DISC1: variants seen among roughly 807,000 people sequenced by gnomAD.
The protein encoded by DISC1 is DISC1 scaffold protein, also known as disrupted in schizophrenia 1 protein.
In DISC1, 57 loss-of-function variants were observed where a neutral mutation model predicts 84.5. The observed-to-expected ratio is 0.67, with a 90% confidence interval of 0.55 to 0.84. The LOEUF (loss-of-function observed/expected upper bound fraction) is 0.84. Among genes scored for constraint, DISC1 ranks in the 40% least tolerant of loss-of-function variants. The probability of loss-of-function intolerance (pLI) is 0.00; values close to 1 mark genes in which losing one functional copy is unlikely to be tolerated. For missense variants in DISC1, 1,000 were observed against 1,057.8 expected, an observed-to-expected ratio of 0.95 and a Z score of 0.76; for synonymous variants, 411 against 415.2, an observed-to-expected ratio of 0.99 and a Z score of 0.12.
At chr1:231,932,755 G>T (rs2090743766) in intron 9 of DISC1, among the ~76,000 whole-genome samples, 1 of 152,170 alleles carries the variant, frequency 6.6e-6, no homozygotes, top group African/African-American at 2.4e-5. Flanking sequence ...CTCAGTGGGT[G>T]ACTGAGGCTG....
At position 231,694,536 on chromosome 1, in the gene DISC1, C is replaced by T. The variant is rs1434545188; in HGVS notation, c.778C>T (p.Arg260Ter). 5.0e-6 allele frequency: 8 copies of T among 1,614,232 alleles called. No individual in the cohort carries two copies. Among genetic ancestry groups the T allele is most frequent in the East Asian group, 2.2e-5 (1 of 44,888 alleles). Residue 260 changes from arginine (R) to a stop codon, truncating the protein, a stop_gained, in exon 2 of 13, where the codon CGA becomes TGA. Coordinates refer to ENST00000439617, the MANE Select transcript of DISC1 (RefSeq NM_018662.3). LOFTEE classifies it high-confidence loss of function. ...ASLDGPHEDP[R>*]CLSRPFSLLA... ...CTTGGACGGGCCTCACGAGGACCCG[C>T]GATGTCTCTCTCGGCCCTTCAGTCT... is the stretch of plus-strand genomic sequence containing the variant.
Position 231,826,747 on chromosome 1 carries a change from T to C in DISC1, c.1981+8230T>C, listed in dbSNP as rs1376151129. Among the ~76,000 whole-genome samples, 1 of 152,236 alleles carries C rather than the reference T, an allele frequency of 6.6e-6. No individual in the cohort carries two copies. The highest frequency in any genetic ancestry group is 6.5e-5 in the Admixed American group (1 of 15,290). On this transcript the variant is annotated intron_variant, in intron 9 of 12. Transcript: ENST00000439617. This position sits in a 1 kb window ranked among gnomAD's most constrained non-coding sequence, Gnocchi z 4.2. ...TATATTTTCAAATAACTGTTGCTAG[T>C]TCTGCTTCCTGTTCTAAAATGCTGA...
chr1:232,030,006 A>G (rs557430508), intron 12 of DISC1, among the ~76,000 whole-genome samples: 10 of 152,348 alleles, frequency 6.6e-5, no homozygotes, highest in South Asian at 6.2e-4. Context: ...ACCAAATTAC[A>G]TGTAGCATGA....
intron 9 of DISC1, among the ~76,000 whole-genome samples, chr1:231,927,463 T>C (rs1182177165): frequency 6.6e-5 from 10 of 152,218 alleles, no homozygotes; most frequent in Non-Finnish European, 2.9e-5. Context: ...CTTGGTAATG[T>C]GTACAATGCT....
At chr1:231,753,805 T>A (rs2074862680) in intron 4 of DISC1, among the ~76,000 whole-genome samples, 2 of 152,228 alleles carry the variant, frequency 1.3e-5, no homozygotes, top group Admixed American at 1.3e-4. Context: ...AATAGGTTGT[T>A]AGAAGCAGCC....
At chr1:231,807,887 T>C (rs1330168889) in intron 8 of DISC1, among the ~76,000 whole-genome samples, 1 of 152,214 alleles carries the variant, frequency 6.6e-6, no homozygotes, top group African/African-American at 2.4e-5. Flanking sequence ...AAAAGAGAAT[T>C]ATATCCAGGG....
chr1:231,659,095 GA>G (rs1264705798), intron 1 of DISC1, among the ~76,000 whole-genome samples: 2 of 152,048 alleles, frequency 1.3e-5, no homozygotes, highest in Admixed American at 1.3e-4. Flanking sequence ...ATTCAGCTGT[GA>G]ATCTGTCTGT....
At chr1:231,645,833 G>A (rs796951927) in intron 1 of DISC1, among the ~76,000 whole-genome samples, 34 of 151,736 alleles carry the variant, frequency 2.2e-4, no homozygotes, top group African/African-American at 7.7e-4. Context: ...CCTTGCAAAG[G>A]ACATGAACTC....
At chr1:231,974,112 A>G (rs1182956358) in intron 10 of DISC1, among the ~76,000 whole-genome samples, 1 of 152,138 alleles carries the variant, frequency 6.6e-6, no homozygotes, top group East Asian at 1.9e-4. Context: ...AACAGGGTCA[A>G]GTGAGTCAAA....
chr1:231,779,899 C>T (rs938181627), intron 6 of DISC1, among the ~76,000 whole-genome samples: 31 of 152,128 alleles, frequency 2.0e-4, no homozygotes, highest in Admixed American at 3.3e-4. Flanking sequence ...TTACCTGTCC[C>T]TCCCTTAAAG....
intron 9 of DISC1, among the ~76,000 whole-genome samples, chr1:231,899,824 T>G (rs1028525385): frequency 1.3e-5 from 2 of 152,324 alleles, no homozygotes; most frequent in Non-Finnish European, 2.9e-5. Flanking sequence ...CAAATAGTTT[T>G]GTCCACAGTG....
chr1:231,649,910 G>A (rs2060473737), intron 1 of DISC1, among the ~76,000 whole-genome samples: 1 of 151,962 alleles, frequency 6.6e-6, no homozygotes, highest in South Asian at 2.1e-4. Flanking sequence ...CTTTCCATTT[G>A]CTTGGTAGAT....
intron 6 of DISC1, among the ~76,000 whole-genome samples, chr1:231,782,798 C>T (rs926787187): frequency 4.6e-5 from 7 of 151,806 alleles, no homozygotes; most frequent in Non-Finnish European, 7.4e-5. Context: ...AAAAATTAGC[C>T]GGCTGTGGTG....
At chr1:231,919,301 A>G (rs202149611) in intron 9 of DISC1, among the ~76,000 whole-genome samples, 35 of 152,204 alleles carry the variant, frequency 2.3e-4, no homozygotes, top group Non-Finnish European at 5.0e-4. Context: ...CATTAATGAA[A>G]CACCATTCAT....
intron 6 of DISC1, among the ~76,000 whole-genome samples, chr1:231,787,284 C>T (rs2077954331): frequency 6.6e-6 from 1 of 152,148 alleles, no homozygotes; most frequent in Non-Finnish European, 1.5e-5. Flanking sequence ...TTATTTCTTA[C>T]ACTTCTGGAG....
At chr1:231,907,120 T>TCCCTCCC (rs1571965919) in intron 9 of DISC1, among the ~76,000 whole-genome samples, 1 of 32,652 alleles carries the variant, frequency 3.1e-5, no homozygotes, top group African/African-American at 1.1e-4. Context: ...CCTTCCTTCC[T>TCCCTCCC]TCCTTCCTTC....
At chr1:231,887,070 C>T (rs1454575085) in intron 9 of DISC1, among the ~76,000 whole-genome samples, 1 of 151,930 alleles carries the variant, frequency 6.6e-6, no homozygotes, top group Non-Finnish European at 1.5e-5. Context: ...CCATGTTGGC[C>T]AGGATGGTCT....
At chr1:231,861,378 C>T (rs182854495) in intron 9 of DISC1, among the ~76,000 whole-genome samples, 4 of 151,552 alleles carry the variant, frequency 2.6e-5, no homozygotes, top group African/African-American at 9.7e-5. Flanking sequence ...AATCCTCCCC[C>T]ACCTTGGCCT....
chr1:231,735,134 T>C (rs2125221815), intron 3 of DISC1, among the ~76,000 whole-genome samples: 1 of 152,324 alleles, frequency 6.6e-6, no homozygotes, highest in Admixed American at 6.5e-5. Context: ...TCACACTGAC[T>C]GATTGATTGT....
Sources: allele counts gnomAD v4.1 joint callset (sites outside exome capture counted in the v4.1 genomes callset), GRCh38; gene constraint gnomAD v4.1.1; non-coding constraint Gnocchi (gnomAD v3.1); transcripts MANE v1.5; gene names NCBI Gene and HGNC (gene_info 2026-07-23, HGNC 2026-07-21).